The following CABLES1 variants were observed in gnomAD, a reference collection of about 807,000 sequenced individuals.
The protein encoded by CABLES1 is CDK5 and ABL1 enzyme substrate 1.
Under a neutral mutation model 57.8 loss-of-function variants are expected in CABLES1, and 36 were observed. The ratio of observed to expected loss-of-function variants is 0.62; its 90% confidence interval spans 0.48 to 0.82. The LOEUF (loss-of-function observed/expected upper bound fraction) is 0.82, where lower values mean the gene tolerates loss of function less well. Among genes scored for constraint, CABLES1 ranks in the 40% least tolerant of loss-of-function variants. The pLI, the probability that CABLES1 is intolerant of heterozygous loss-of-function variation, is 0.00. For synonymous variants in CABLES1, 374 were observed against 363.0 expected (o/e 1.03, Z -0.35); for missense variants, 767 against 836.6 (o/e 0.92, Z 1.03).
intron 1 of CABLES1, among the ~76,000 whole-genome samples, chr18:23,186,707 C>G (rs1309607531): frequency 1.3e-5 from 2 of 152,178 alleles, no homozygotes; most frequent in Non-Finnish European, 2.9e-5. Flanking sequence ...CAGGTGTGAG[C>G]CACCATGCCC....
At chr18:23,165,405 A>G (rs2047035397) in intron 1 of CABLES1, among the ~76,000 whole-genome samples, 1 of 151,996 alleles carries the variant, frequency 6.6e-6, no homozygotes, top group South Asian at 2.1e-4. Flanking sequence ...GGCCCTTTTA[A>G]CCATTTTAAG....
intron 3 of CABLES1, among the ~76,000 whole-genome samples, chr18:23,196,640 G>C (rs2047285067): frequency 1.3e-5 from 2 of 152,222 alleles, no homozygotes; most frequent in South Asian, 4.1e-4. Context: ...CGGGGCGTTG[G>C]GTGAGCCCAG....
chr18:23,158,861 A>G (rs1280375152), intron 1 of CABLES1, among the ~76,000 whole-genome samples: 2 of 152,152 alleles, frequency 1.3e-5, no homozygotes, highest in Non-Finnish European at 2.9e-5. Context: ...CACTATCTCA[A>G]CAGCCACTAA....
At chr18:23,238,425 G>A (rs1598850176) in intron 7 of CABLES1, among the ~76,000 whole-genome samples, 2 of 152,216 alleles carry the variant, frequency 1.3e-5, no homozygotes, top group South Asian at 4.1e-4. Flanking sequence ...ATTTATTCAA[G>A]TCAAAGGCAT....
At chr18:23,239,102 TTTCA>T (rs2047673403) in intron 7 of CABLES1, among the ~76,000 whole-genome samples, 1 of 152,232 alleles carries the variant, frequency 6.6e-6, no homozygotes, top group African/African-American at 2.4e-5. Flanking sequence ...CTTTAAATGA[TTTCA>T]TTGTGAGCCT....
intron 1 of CABLES1, among the ~76,000 whole-genome samples, chr18:23,168,012 G>C (rs1056773230): frequency 1.3e-5 from 2 of 152,240 alleles, no homozygotes; most frequent in Non-Finnish European, 2.9e-5. Context: ...GGCAGGACTG[G>C]TGGGAACTCC....
chr18:23,252,454 G>A (rs985435385), intron 7 of CABLES1, among the ~76,000 whole-genome samples: 3 of 152,232 alleles, frequency 2.0e-5, no homozygotes, highest in African/African-American at 7.2e-5. Flanking sequence ...GCCAGGCACT[G>A]TACAGGGCAC....
chr18:23,156,554 T>G (rs2046967494), intron 1 of CABLES1, among the ~76,000 whole-genome samples: 1 of 152,218 alleles, frequency 6.6e-6, no homozygotes, highest in Admixed American at 6.5e-5. Context: ...AGTAGTTTGT[T>G]TTATAAAGTT....
intron 7 of CABLES1, among the ~76,000 whole-genome samples, chr18:23,242,110 T>C (rs1201424038): frequency 6.6e-6 from 1 of 152,108 alleles, no homozygotes; most frequent in Non-Finnish European, 1.5e-5. Flanking sequence ...ACACCATCTT[T>C]ACTAAAAATA....
At chr18:23,213,644 C>T (rs989887996) in intron 3 of CABLES1, among the ~76,000 whole-genome samples, 1 of 152,230 alleles carries the variant, frequency 6.6e-6, no homozygotes, top group South Asian at 2.1e-4. Context: ...CTCACCCAGC[C>T]CTGGCCACCC....
At chr18:23,140,797 C>T (rs2046853374) in intron 1 of CABLES1, among the ~76,000 whole-genome samples, 3 of 152,150 alleles carry the variant, frequency 2.0e-5, no homozygotes, top group African/African-American at 7.2e-5. Context: ...GGGTTAGCAT[C>T]ATGCCTTGTG....
chr18:23,236,681 G>A (rs1291190223), intron 6 of CABLES1, among the ~76,000 whole-genome samples: 1 of 152,154 alleles, frequency 6.6e-6, no homozygotes, highest in Non-Finnish European at 1.5e-5. Context: ...CTGATCGTTC[G>A]CAGCTGTGCC....
chr18:23,206,176 C>T (rs2047361930), intron 3 of CABLES1, among the ~76,000 whole-genome samples: 1 of 152,314 alleles, frequency 6.6e-6, no homozygotes, highest in African/African-American at 2.4e-5. Context: ...CCGCCCCGTC[C>T]CAGACCCTCC....
rs1405611947 is a variant in CABLES1 at position 23,218,282 on chromosome 18, GCATCCTCACTTGCCCTGC to G, written c.1088+4230_1088+4247del. Among the ~76,000 whole-genome samples, 279 of 146,550 alleles carry G rather than the reference GCATCCTCACTTGCCCTGC, an allele frequency of 1.9e-3. 2 individuals carry two copies. The highest frequency in any genetic ancestry group is 4.2e-3 in the South Asian group (19 of 4,514). On this transcript the variant is annotated intron_variant, in intron 4 of 9. Transcript: ENST00000256925. ...CACATCCTCACTTGCCCTGCCTCCC[GCATCCTCACTTGCCCTGC>G]CTCCCGCATCCTCACTTGCCCTGCC...
At chr18:23,196,521 C>T (rs77598647) in intron 3 of CABLES1, among the ~76,000 whole-genome samples, 5,191 of 152,234 alleles carry the variant, frequency 0.034, 124 homozygotes, top group Middle Eastern at 0.071. Context: ...AAATTGTAGT[C>T]GAGAGCTGAT....
At chr18:23,197,385 A>G (rs1182753694) in intron 3 of CABLES1, 1 of 152,036 alleles carries the variant, frequency 6.6e-6, no homozygotes, top group Non-Finnish European at 1.5e-5. Flanking sequence ...CGTGGTTGCG[A>G]TGGAGGATGG....
At chr18:23,226,401 CA>C (rs35135711) in intron 4 of CABLES1, among the ~76,000 whole-genome samples, 82,756 of 130,936 alleles carry the variant, frequency 0.63, 24,954 homozygotes, top group Non-Finnish European at 0.7. Context: ...GACTTCATCT[CA>C]AAAAAAAAAA....
intron 7 of CABLES1, among the ~76,000 whole-genome samples, chr18:23,239,647 C>T (rs901281830): frequency 1.3e-5 from 2 of 152,132 alleles, no homozygotes; most frequent in Non-Finnish European, 2.9e-5. Flanking sequence ...ATAGAATTCG[C>T]CTGTTGAACC....
chr18:23,203,459 A>G (rs1397277715), intron 3 of CABLES1, among the ~76,000 whole-genome samples: 1 of 98,132 alleles, frequency 1.0e-5, no homozygotes, highest in African/African-American at 5.4e-5. Context: ...AGGATATGTT[A>G]AAAAAAAAAA....
Sources: allele counts gnomAD v4.1 joint callset (sites outside exome capture counted in the v4.1 genomes callset), GRCh38; gene constraint gnomAD v4.1.1; transcripts MANE v1.5; gene names NCBI Gene and HGNC (gene_info 2026-07-23, HGNC 2026-07-21).